OPRM1: variants seen among roughly 807,000 people sequenced by gnomAD.
The protein encoded by OPRM1 is mu-type opioid receptor.
In OPRM1, 27 loss-of-function variants were observed where a neutral mutation model predicts 31.8. That is an observed-to-expected ratio of 0.85 (90% CI 0.63 to 1.17). The LOEUF (loss-of-function observed/expected upper bound fraction) is 1.17, where lower values mean the gene tolerates loss of function less well. Ranked by LOEUF, OPRM1 falls within the 50% of genes most tolerant of loss-of-function variation. The probability of loss-of-function intolerance (pLI) is 0.00; values close to 1 mark genes in which losing one functional copy is unlikely to be tolerated. For synonymous variants in OPRM1, 196 were observed against 189.9 expected (o/e 1.03, Z -0.26); for missense variants, 536 against 511.1 (o/e 1.05, Z -0.47).
At chr6:154,167,849 ATC>A in intron 3 of OPRM1, 1 of 1,162,300 alleles carries the variant, frequency 8.6e-7, no homozygotes. Flanking sequence ...ATTAGCAAGA[ATC>A]TCTCTGCAGA....
intron 3 of OPRM1, among the ~76,000 whole-genome samples, chr6:154,197,424 A>T (rs1776703946): frequency 6.6e-6 from 1 of 152,230 alleles, no homozygotes; most frequent in Non-Finnish European, 1.5e-5. Flanking sequence ...GCAGAAGAAA[A>T]TCATCAGCAA....
intron 3 of OPRM1, among the ~76,000 whole-genome samples, chr6:154,174,533 T>A (rs1253287936): frequency 6.6e-6 from 1 of 151,956 alleles, no homozygotes; most frequent in African/African-American, 2.4e-5. Flanking sequence ...TGGTCTCTGA[T>A]AAAACAGACT....
chr6:154,111,466 A>G (rs1000903325), intron 3 of OPRM1, among the ~76,000 whole-genome samples: 1 of 152,180 alleles, frequency 6.6e-6, no homozygotes, highest in African/African-American at 2.4e-5. Context: ...TAAAAATATT[A>G]AACCAACTTT....
In OPRM1 at chr6:154,168,119, T is replaced by TG. The variant is rs1267671014; in HGVS notation, c.1164+76648dup. ...TTCAGACACTTTTGTCTCTTCTATT[T>TG]GAAAAAAAAAAAGAAAGCAGTAACA... On this transcript the variant is annotated intron_variant, in intron 3 of 3. Coordinates refer to the OPRM1 transcript ENST00000337049. This position sits in a 1 kb window ranked among gnomAD's most constrained non-coding sequence, Gnocchi z 4.1. The TG allele has an allele frequency of 6.6e-7, 1 of 1,515,910 alleles. No individual in the cohort carries two copies. Among genetic ancestry groups the TG allele is most frequent in the Admixed American group, 2.0e-5 (1 of 48,826 alleles). 93.9% of individuals were successfully genotyped at this position (1,515,910 alleles called of 1,614,324 possible).
chr6:154,081,138 C>A (rs1789013342), intron 1 of OPRM1, among the ~76,000 whole-genome samples: 1 of 152,170 alleles, frequency 6.6e-6, no homozygotes, highest in Non-Finnish European at 1.5e-5. Flanking sequence ...AATGTAGTCA[C>A]CAAACTGGGA....
intron 3 of OPRM1, among the ~76,000 whole-genome samples, chr6:154,216,610 C>A (rs1410469260): frequency 5.3e-5 from 8 of 152,190 alleles, no homozygotes; most frequent in Non-Finnish European, 1.2e-4. Flanking sequence ...TGGCTCACAC[C>A]TGTAATCCCA....
chr6:154,146,798 T>C (rs1296332096), intron 3 of OPRM1, among the ~76,000 whole-genome samples: 1 of 152,104 alleles, frequency 6.6e-6, no homozygotes, highest in Non-Finnish European at 1.5e-5. Context: ...TGGGTAACTG[T>C]CCTAGGTCAG....
Position 154,091,062 on chromosome 6 carries a change from G to A in OPRM1, c.754G>A (p.Val252Met), listed in dbSNP as rs200245799. Residue 252 changes from valine to methionine, a missense_variant, in exon 3 of 4, where the codon GTG (valine) becomes ATG (methionine). By Grantham distance (21) the Val-to-Met change is conservative (BLOSUM62 1). Coordinates refer to ENST00000330432, the MANE Select transcript of OPRM1 (RefSeq NM_000914.5). Reference protein sequence around the residue: ...AFIMPVLIITVCYGLMILRLK... With the variant: ...AFIMPVLIITMCYGLMILRLK... ...CATTATGCCAGTGCTCATCATTACC[G>A]TGTGCTATGGACTGATGATCTTGCG... is the stretch of plus-strand genomic sequence containing the variant. 1.2e-5 allele frequency: 20 copies of A among 1,613,948 alleles called. No individual in the cohort carries two copies. Among genetic ancestry groups the A allele is most frequent in the South Asian group, 4.4e-5 (4 of 91,074 alleles).
chr6:154,108,170 T>C (rs1562480714), intron 3 of OPRM1: 1 of 484,864 alleles, frequency 2.1e-6, no homozygotes, highest in Non-Finnish European at 3.7e-6. Context: ...AATTTTTTTT[T>C]TTCATTCTGG....
intron 3 of OPRM1, among the ~76,000 whole-genome samples, chr6:154,197,105 C>T (rs1776681589): frequency 6.6e-6 from 1 of 152,142 alleles, no homozygotes; most frequent in African/African-American, 2.4e-5. Flanking sequence ...TTTTAAAATC[C>T]TAGCTCTCAT....
intron 3 of OPRM1, among the ~76,000 whole-genome samples, chr6:154,193,670 T>C (rs1241383617): frequency 6.6e-6 from 1 of 152,228 alleles, no homozygotes; most frequent in Admixed American, 6.5e-5. Context: ...AAGACCCCTC[T>C]GATAACTTTC....
chr6:154,099,922 G>GATATATATCATAACATATA (rs1562471311), intron 3 of OPRM1, among the ~76,000 whole-genome samples: 4 of 141,470 alleles, frequency 2.8e-5, no homozygotes, highest in East Asian at 2.0e-4. Flanking sequence ...ATCATAACAT[G>GATATATATCATAACATATA]TATTATCATA....
chr6:154,228,870 C>G (rs1779480332), intron 3 of OPRM1, among the ~76,000 whole-genome samples: 1 of 152,194 alleles, frequency 6.6e-6, no homozygotes. Flanking sequence ...GCCTGGGCTA[C>G]AGAGTGAGAC....
chr6:154,056,789 A>T (rs1323348942), intron 1 of OPRM1, among the ~76,000 whole-genome samples: 1 of 152,168 alleles, frequency 6.6e-6, no homozygotes, highest in Admixed American at 6.5e-5. Flanking sequence ...TGCCAGCAGT[A>T]TAACCTGAAC....
At chr6:154,093,263 C>T (rs1792699745) in intron 3 of OPRM1, 3 of 1,609,252 alleles carry the variant, frequency 1.9e-6, no homozygotes, top group African/African-American at 1.3e-5. Flanking sequence ...GACTCTTTCT[C>T]CTTTAGTGCC....
At chr6:154,037,134 A>G (rs909973867), upstream of OPRM1, among the ~76,000 whole-genome samples, 2 of 152,060 alleles carry the variant, frequency 1.3e-5, no homozygotes, top group Admixed American at 6.5e-5. Context: ...CAAAGCAACT[A>G]TAAATTTATA....
At chr6:154,034,816 G>C (rs1404586370), upstream of OPRM1, among the ~76,000 whole-genome samples, 1 of 152,110 alleles carries the variant, frequency 6.6e-6, no homozygotes, top group African/African-American at 2.4e-5. Flanking sequence ...GAATAGAAAT[G>C]AGGTTCCAGA....
At chr6:154,138,825 G>A (rs2128537188) in intron 3 of OPRM1, among the ~76,000 whole-genome samples, 1 of 152,362 alleles carries the variant, frequency 6.6e-6, no homozygotes, top group Admixed American at 6.5e-5. Flanking sequence ...CGTAGCCGGA[G>A]GCTACAAGAT....
At chr6:154,211,969 G>A (rs956368707) in intron 3 of OPRM1, among the ~76,000 whole-genome samples, 1 of 152,102 alleles carries the variant, frequency 6.6e-6, no homozygotes, top group East Asian at 1.9e-4. Context: ...ACAAACATGA[G>A]AAGGTGCTTG....
Sources: allele counts gnomAD v4.1 joint callset (sites outside exome capture counted in the v4.1 genomes callset), GRCh38; gene constraint gnomAD v4.1.1; non-coding constraint Gnocchi (gnomAD v3.1); transcripts MANE v1.5; gene names NCBI Gene and HGNC (gene_info 2026-07-23, HGNC 2026-07-21).